KIF1C: variants seen among roughly 807,000 people sequenced by gnomAD.
KIF1C encodes the protein kinesin-like protein KIF1C.
In KIF1C, 61 loss-of-function variants were observed where a neutral mutation model predicts 126.5. The observed-to-expected ratio is 0.48, with a 90% CI of 0.39 to 0.60. The LOEUF (loss-of-function observed/expected upper bound fraction) is 0.60. Ranked by LOEUF, KIF1C falls within the 20% of genes least tolerant of loss-of-function variation. The pLI, the probability that KIF1C is intolerant of heterozygous loss-of-function variation, is 0.00. For missense variants in KIF1C, 1,315 were observed against 1,489.2 expected, an observed-to-expected ratio of 0.88 and a Z score of 1.93; for synonymous variants, 640 against 580.6, an observed-to-expected ratio of 1.10 and a Z score of -1.47.
Position 5,004,051 on chromosome 17 carries a change from C to T in KIF1C, c.918C>T (p.Thr306=). ...DFIPYRDSVL[T]WLLKENLGGN... is the part of the protein sequence containing the mutation. ...TCCCCTACAGGGACTCTGTGCTCACCTGGCTGCTCAAGGAAAATTTGGGTG... is the reference window on the plus strand; with the variant it reads ...TCCCCTACAGGGACTCTGTGCTCACTTGGCTGCTCAAGGAAAATTTGGGTG... Residue 306 remains threonine (T), a synonymous_variant, in exon 11 of 23, where the codon ACC becomes ACT. Transcript: ENST00000320785. 1 of 1,613,942 alleles carries T rather than the reference C, an allele frequency of 6.2e-7. No homozygotes were observed. Among genetic ancestry groups the T allele is most frequent in the East Asian group, 2.2e-5 (1 of 44,890 alleles).
rs1291871672 is a variant in KIF1C at position 5,002,497 on chromosome 17, C to T, written c.463C>T (p.Arg155Ter). ...SYMEIYCERV[R>*]DLLNPKSRGS... ...TATGGAGATCTACTGTGAGCGGGTA[C>T]GAGACCTCTTGAACCCCAAGAGTCG... Residue 155 changes from arginine (R) to a stop codon, truncating the protein, a stop_gained, in exon 7 of 23, where the codon CGA becomes TGA. Coordinates refer to ENST00000320785, the MANE Select transcript of KIF1C (RefSeq NM_006612.6). LOFTEE classifies it high-confidence loss of function. The T allele has an allele frequency of 6.8e-6, 11 of 1,610,860 alleles. No individual in the cohort carries two copies. Among genetic ancestry groups the T allele is most frequent in the South Asian group, 1.1e-5 (1 of 90,924 alleles).
intron 1 of KIF1C, 112 bp downstream of exon 1, chr17:4,998,268 G>A (rs978070252): frequency 6.6e-6 from 1 of 152,414 alleles, no homozygotes; most frequent in Admixed American, 6.5e-5. Flanking sequence ...TCGGGATCAT[G>A]TGCTGTTTGT....
Position 5,020,801 on chromosome 17 carries a change from C to G in KIF1C, c.1938-5C>G, listed in dbSNP as rs1168197465. 6.9e-6 allele frequency: 11 copies of G among 1,596,368 alleles called. No individual in the cohort carries two copies. Among genetic ancestry groups the G allele is most frequent in the East Asian group, 4.5e-5 (2 of 44,348 alleles). On this transcript the variant is annotated splice_region_variant and splice_polypyrimidine_tract_variant and intron_variant, in intron 20 of 22. Transcript: ENST00000320785. This position sits in a 1 kb window ranked among gnomAD's most constrained non-coding sequence, Gnocchi z 5.8. The stretch of plus-strand genomic sequence containing the variant: ...GCTCTTCCTTCCCTCCCTGTCCAAT[C>G]CCAGGCTGCAGGATCTGGAGAATCA...
chr17:5,003,782 G>A, intron 9 of KIF1C, 69 bp from the exon 10 acceptor site: 1 of 1,555,740 alleles, frequency 6.4e-7, no homozygotes, highest in South Asian at 1.1e-5. Context: ...TCACTGGGGA[G>A]GTAGGAAGCG....
intron 8 of KIF1C, 24 bp downstream of exon 8, chr17:5,002,866 C>T: frequency 1.3e-6 from 2 of 1,560,652 alleles, no homozygotes; most frequent in Non-Finnish European, 1.8e-6. Flanking sequence ...CCCCCCCACT[C>T]CCCCACCGGA....
At position 5,023,930 on chromosome 17, in the gene KIF1C, A is replaced by G; in HGVS notation, c.3091A>G (p.Arg1031Gly). ...PSPRRSHHPR[R>G]NSLDGGGRSR... ...TCCCCGAAGGTCCCACCATCCCCGC[A>G]GGAACTCCCTGGATGGAGGGGGCCG... The change falls in exon 23 of 23, where the codon AGG (arginine) becomes GGG (glycine). Residue 1031 changes from arginine (R) to glycine (G), a missense_variant. Transcript: ENST00000320785. This position sits in a 1 kb window ranked among gnomAD's most constrained non-coding sequence, Gnocchi z 4.2. 7 of 1,571,040 alleles carry G rather than the reference A, an allele frequency of 4.5e-6. No individual in the cohort carries two copies. The highest frequency in any genetic ancestry group is 6.0e-6 in the Non-Finnish European group (7 of 1,158,286).
At chr17:5,000,963 A>T in intron 4 of KIF1C, 115 bp downstream of exon 4, 1 of 1,127,676 alleles carries the variant, frequency 8.9e-7, no homozygotes, top group Non-Finnish European at 1.3e-6. Flanking sequence ...GTGAATTGGG[A>T]GGATGATCCT....
chr17:5,001,506 T>G, intron 5 of KIF1C, 105 bp downstream of exon 5: 1 of 1,151,104 alleles, frequency 8.7e-7, no homozygotes, highest in Non-Finnish European at 1.2e-6. Flanking sequence ...GACCTGGCTC[T>G]GAGGCCATTG....
intron 18 of KIF1C, among the ~76,000 whole-genome samples, chr17:5,018,924 G>C (rs924617524): frequency 6.6e-6 from 1 of 152,110 alleles, no homozygotes. Context: ...TTTGTGGCAT[G>C]ATGGGAAATG....
chr17:5,002,471 A>G lies in KIF1C; in HGVS notation c.437A>G (p.Tyr146Cys). 6.3e-7 allele frequency: 1 copy of G among 1,594,902 alleles called. No homozygotes were observed. Among genetic ancestry groups the G allele is most frequent in the Non-Finnish European group, 8.6e-7 (1 of 1,167,184 alleles). Residue 146 changes from tyrosine to cysteine, a missense_variant, in exon 7 of 23, where the codon TAT becomes TGT. Coordinates refer to ENST00000320785, the MANE Select transcript of KIF1C (RefSeq NM_006612.6). Reference protein sequence around the residue: ...AQLSYSVEVSYMEIYCERVRD... With the variant: ...AQLSYSVEVSCMEIYCERVRD... ...TTTGCTTCTCCCACTCAGGTGAGCT[A>G]TATGGAGATCTACTGTGAGCGGGTA... is the stretch of plus-strand genomic sequence containing the variant.
chr17:5,009,019 T>C (rs537683781), intron 16 of KIF1C, among the ~76,000 whole-genome samples: 2 of 152,166 alleles, frequency 1.3e-5, no homozygotes, highest in Admixed American at 1.3e-4. Context: ...TTTTAATTGT[T>C]CTTATAAAGG....
rs772634411 is a variant in KIF1C, at chr17:5,023,953, C to T, written c.3114C>T (p.Gly1038=). The change falls in exon 23 of 23, where the codon GGC becomes GGT. Residue 1038 remains glycine (G), a synonymous_variant. Transcript: ENST00000320785. The surrounding 1 kb of genome is among the most constrained non-coding windows in gnomAD (Gnocchi z 4.2). Reference sequence around the variant, plus strand: ...GCAGGAACTCCCTGGATGGAGGGGGCCGATCCCGGGGAGCGGGTTCTGCAC... The same window carrying T: ...GCAGGAACTCCCTGGATGGAGGGGGTCGATCCCGGGGAGCGGGTTCTGCAC... ...HPRRNSLDGG[G]RSRGAGSAQP... 2 of 1,577,010 alleles carry T rather than the reference C, an allele frequency of 1.3e-6. No individual in the cohort carries two copies. The highest frequency in any genetic ancestry group is 2.3e-5 in the South Asian group (2 of 86,500).
chr17:5,010,533 G>A (rs1157749260), intron 16 of KIF1C, among the ~76,000 whole-genome samples: 2 of 151,920 alleles, frequency 1.3e-5, no homozygotes, highest in Non-Finnish European at 2.9e-5. Flanking sequence ...CGGATCACGA[G>A]GTCAGGAGAT....
intron 13 of KIF1C, among the ~76,000 whole-genome samples, chr17:5,006,393 A>G (rs943433138): frequency 5.3e-5 from 8 of 150,474 alleles, no homozygotes; most frequent in Non-Finnish European, 1.2e-4. Flanking sequence ...CTGGAGTGCA[A>G]TGGCGTGGTC....
Position 5,003,991 on chromosome 17 carries a change from C to A in KIF1C, c.865-7C>A, listed in dbSNP as rs1597844565. On this transcript the variant is annotated splice_polypyrimidine_tract_variant and splice_region_variant and intron_variant, in intron 10 of 22. Coordinates refer to ENST00000320785, the MANE Select transcript of KIF1C (RefSeq NM_006612.6). ...ACCCTAACCTCCTTCCTCCTTTTAT[C>A]CCCCAGCAATCAAAGAAGCGAAAGT... 6.2e-7 allele frequency: 1 copy of A among 1,613,230 alleles called. No homozygotes were observed. Among genetic ancestry groups the A allele is most frequent in the African/African-American group, 1.3e-5 (1 of 74,862 alleles).
At chr17:5,009,098 A>G (rs1337829216) in intron 16 of KIF1C, among the ~76,000 whole-genome samples, 1 of 151,144 alleles carries the variant, frequency 6.6e-6, no homozygotes, top group East Asian at 1.9e-4. Flanking sequence ...TCCAATTTAC[A>G]GCATTTTGTT....
At position 5,023,967 on chromosome 17, in the gene KIF1C, C is replaced by G; in HGVS notation, c.3128C>G (p.Ala1043Gly). 6.3e-7 allele frequency: 1 copy of G among 1,580,570 alleles called. No individual in the cohort carries two copies. The highest frequency in any genetic ancestry group is 8.6e-7 in the Non-Finnish European group (1 of 1,162,528). ...GATGGAGGGGGCCGATCCCGGGGAG[C>G]GGGTTCTGCACAGCCTGAACCCCAG... The part of the protein sequence containing the change: ...SLDGGGRSRG[A>G]GSAQPEPQHF... The change falls in exon 23 of 23, where the codon GCG (alanine) becomes GGG (glycine). Residue 1043 changes from alanine (A) to glycine (G), a missense_variant. Ala to Gly is a moderately conservative substitution (Grantham distance 60, BLOSUM62 0). This residue lies in a region of KIF1C where 441 missense variants were observed against 436.1 expected (regional missense o/e 1.01). Transcript: ENST00000320785. The surrounding 1 kb of genome is among the most constrained non-coding windows in gnomAD (Gnocchi z 4.2).
Position 5,001,302 on chromosome 17 carries a change from C to G in KIF1C, c.264C>G (p.Gly88=). Residue 88 remains glycine, a synonymous_variant, in exon 5 of 23, where the codon GGC becomes GGG. Transcript: ENST00000320785. ...GEEMLLHAFE[G]YNVCIFAYGQ... ...AGATGCTGCTCCACGCCTTTGAAGG[C>G]TACAACGTGTGCATCTTTGCCTATG... The G allele has an allele frequency of 6.2e-7, 1 of 1,614,160 alleles. No homozygotes were observed. Among genetic ancestry groups the G allele is most frequent in the Non-Finnish European group, 8.5e-7 (1 of 1,179,992 alleles).
In KIF1C at chr17:5,023,312, C is replaced by T. The variant is rs346827; in HGVS notation, c.2629-156C>T. Among the ~76,000 whole-genome samples the T allele has an allele frequency of 0.42, 64,468 of 151,930 alleles. 14,917 individuals carry two copies. The highest frequency in any genetic ancestry group is 0.54 in the Non-Finnish European group (36,952 of 67,952). The stretch of plus-strand genomic sequence containing the variant: ...GCGATTACAGGCGTGAGCCACTGCG[C>T]CCGGCCCTAAACCACTATTTTTCGA... On this transcript the variant is annotated intron_variant, in intron 22 of 22. Coordinates refer to ENST00000320785, the MANE Select transcript of KIF1C (RefSeq NM_006612.6). The surrounding 1 kb of genome is among the most constrained non-coding windows in gnomAD (Gnocchi z 4.2).
Sources: gnomAD v4.1 joint callset for allele counts (sites outside exome capture counted in the v4.1 genomes callset) on GRCh38, gnomAD v4.1.1 for gene constraint, gnomAD v4.1.1 regional missense constraint, Gnocchi (gnomAD v3.1) non-coding constraint, MANE v1.5 for transcripts, NCBI Gene and HGNC (gene_info 2026-07-23, HGNC 2026-07-21) for gene names.